The following COL9A3 variants were observed in gnomAD, a reference collection of about 807,000 sequenced individuals.
COL9A3 encodes the protein collagen type IX alpha 3 chain.
COL9A3 carries 82 observed loss-of-function variants against 110.2 expected under a neutral mutation model. That is an observed-to-expected ratio of 0.74 (90% CI 0.62 to 0.89). COL9A3 has a LOEUF of 0.89. COL9A3 is among the 40% of genes least tolerant of loss of function. The pLI is 0.00. For missense variants in COL9A3, 1,066 were observed against 981.3 expected, an observed-to-expected ratio of 1.09 and a Z score of -1.15; for synonymous variants, 494 against 403.8, an observed-to-expected ratio of 1.22 and a Z score of -2.68.
chr20:62,839,378 A>T (rs1002847017), intron 31 of COL9A3, among the ~76,000 whole-genome samples: 1 of 152,218 alleles, frequency 6.6e-6, no homozygotes, highest in Non-Finnish European at 1.5e-5. Context: ...CATACGTTGA[A>T]TATTTCCATT....
chr20:62,825,937 C>A, intron 13 of COL9A3, 67 bp downstream of exon 13: 1 of 1,493,236 alleles, frequency 6.7e-7, no homozygotes, highest in Non-Finnish European at 9.1e-7. Context: ...AAGCCCTGCA[C>A]ATATCTACCC....
At chr20:62,840,430 C>G (rs2063667971) in intron 31 of COL9A3, 112 bp from the exon 32 acceptor site, 3 of 1,043,308 alleles carry the variant, frequency 2.9e-6, no homozygotes, top group Non-Finnish European at 4.5e-6. Flanking sequence ...TGGCCTCTCC[C>G]CAAGTGAAGA....
chr20:62,832,716 G>A, intron 25 of COL9A3: 1 of 260,818 alleles, frequency 3.8e-6, no homozygotes, highest in Non-Finnish European at 6.3e-6. Context: ...TCACTTCTAG[G>A]CACAAGGCCT....
Position 62,824,982 on chromosome 20 carries a change from C to T in COL9A3, c.591C>T (p.Tyr197=). 1 of 1,609,960 alleles carries T rather than the reference C, an allele frequency of 6.2e-7. No individual in the cohort carries two copies. Among genetic ancestry groups the T allele is most frequent in the Middle Eastern group, 1.7e-4 (1 of 5,926 alleles). Residue 197 remains tyrosine, a synonymous_variant, in exon 12 of 32, where the codon TAC becomes TAT. Coordinates refer to ENST00000649368, the MANE Select transcript of COL9A3 (RefSeq NM_001853.4). ...TTTGCTTGCAGGGACCCACTGGCTA[C>T]AAAGGCGAGCAGGGGGAAGTCGGCA... is the stretch of plus-strand genomic sequence containing the variant. ...GMPGFKGPTG[Y]KGEQGEVGKD...
At position 62,826,020 on chromosome 20, in the gene COL9A3, C is replaced by A. The variant is rs1259236377; in HGVS notation, c.684+150C>A. On this transcript the variant is annotated intron_variant, in intron 13 of 31. Coordinates refer to ENST00000649368, the MANE Select transcript of COL9A3 (RefSeq NM_001853.4). ...ACAGGAGCGCGACCTGGCTGGGGGT[C>A]CCACCTCTGCCAAGGCTGCTGACCT... is the stretch of plus-strand genomic sequence containing the variant. The A allele has an allele frequency of 6.3e-6, 7 of 1,102,752 alleles. No homozygotes were observed. The East Asian group carries it at 1.8e-4, about 29-fold the overall frequency. The allele number at this position is 1,102,752 out of a possible 1,614,324, so 68.3% of individuals were successfully genotyped here.
At chr20:62,822,051 C>T (rs529197569) in intron 8 of COL9A3, 60 bp from the exon 9 acceptor site, 32 of 1,031,764 alleles carry the variant, frequency 3.1e-5, no homozygotes, top group Middle Eastern at 2.1e-4. Context: ...TGGGAGAAGC[C>T]GGGCACCTCA....
chr20:62,825,991 A>T, intron 13 of COL9A3, 121 bp downstream of exon 13: 1 of 1,223,466 alleles, frequency 8.2e-7, no homozygotes, highest in Non-Finnish European at 1.2e-6. Context: ...GCCAACACCC[A>T]GGCACAGGAG....
chr20:62,822,137 T>C lies in COL9A3; in HGVS notation c.450T>C (p.Pro150=), dbSNP rs1312251347. Residue 150 remains proline (P), a synonymous_variant, in exon 9 of 32, where the codon CCT becomes CCC. Coordinates refer to ENST00000649368, the MANE Select transcript of COL9A3 (RefSeq NM_001853.4). Reference sequence around the variant, plus strand: ...GACCTTCTGGACTCCCCGGCCTCCCTGGTCCCCCAGGACCTCCCGGACCCC... The same window carrying C: ...GACCTTCTGGACTCCCCGGCCTCCCCGGTCCCCCAGGACCTCCCGGACCCC... ...PPGPSGLPGL[P]GPPGPPGPPG... 1.3e-6 allele frequency: 2 copies of C among 1,590,344 alleles called. No individual in the cohort carries two copies. Among genetic ancestry groups the C allele is most frequent in the South Asian group, 1.1e-5 (1 of 90,650 alleles).
chr20:62,836,566 C>A, intron 29 of COL9A3, 34 bp downstream of exon 29: 1 of 1,421,080 alleles, frequency 7.0e-7, no homozygotes, highest in South Asian at 1.2e-5. Context: ...TGCAGCGGGG[C>A]CCATCCCCGC....
At chr20:62,818,112 T>C (rs1990995911) in intron 2 of COL9A3, among the ~76,000 whole-genome samples, 1 of 152,138 alleles carries the variant, frequency 6.6e-6, no homozygotes, top group South Asian at 2.1e-4. Context: ...GCTGAAATTC[T>C]ACAATTGTGC....
At chr20:62,834,211 TGTCGGCCA>T (rs1428828499) in intron 26 of COL9A3, among the ~76,000 whole-genome samples, 1 of 152,188 alleles carries the variant, frequency 6.6e-6, no homozygotes, top group African/African-American at 2.4e-5. Context: ...GGTTTCACCA[TGTCGGCCA>T]GGCTGGTCTC....
intron 3 of COL9A3, 33 bp downstream of exon 3, chr20:62,818,586 T>C (rs374073790): frequency 4.4e-6 from 7 of 1,604,668 alleles, no homozygotes; most frequent in Non-Finnish European, 6.0e-6. Flanking sequence ...ACAGCCTTTT[T>C]CCAGTCTGGA....
rs372955792 is a variant in COL9A3 at position 62,833,084 on chromosome 20, C to G, written c.1368+20C>G. ...GAACTGGTGAGTAATTAGGTAACCT[C>G]ACTGTTACCAACAGCTGGGAGCGAG... On this transcript the variant is annotated intron_variant, in intron 26 of 31. Transcript: ENST00000649368. 51 of 1,603,384 alleles carry G rather than the reference C, an allele frequency of 3.2e-5. No homozygotes were observed. The highest frequency in any genetic ancestry group is 3.8e-5 in the Non-Finnish European group (44 of 1,170,594).
At chr20:62,832,293 A>G (rs1057120584) in intron 25 of COL9A3, 104 bp downstream of exon 25, 230 of 1,153,778 alleles carry the variant, frequency 2.0e-4, no homozygotes, top group African/African-American at 4.6e-5. Flanking sequence ...TTTTCGGGAC[A>G]CTGAGCCTCC....
intron 5 of COL9A3, 46 bp downstream of exon 5, chr20:62,820,028 T>G (rs1600788792): frequency 1.3e-6 from 2 of 1,596,168 alleles, no homozygotes; most frequent in Non-Finnish European, 1.7e-6. Context: ...AGAGGTGAGG[T>G]CCCCTGGCCA....
chr20:62,837,271 T>G lies in COL9A3; in HGVS notation c.1786+6T>G, dbSNP rs1298313039. On this transcript the variant is annotated splice_donor_region_variant and intron_variant, in intron 30 of 31. Transcript: ENST00000649368. ...GGGAGACCCCGGGCCCAGAGGTGAG[T>G]GTTTGACCCCATGACACGGTCACCC... 6.2e-7 allele frequency: 1 copy of G among 1,608,344 alleles called. No homozygotes were observed. The highest frequency in any genetic ancestry group is 1.3e-5 in the African/African-American group (1 of 74,826).
At chr20:62,830,634 C>A in intron 24 of COL9A3, 46 bp downstream of exon 24, 4 of 1,454,746 alleles carry the variant, frequency 2.7e-6, no homozygotes, top group African/African-American at 1.5e-5. Context: ...CCCCTCTACC[C>A]ATGTACCACA....
chr20:62,819,997 C>T lies in COL9A3; in HGVS notation c.309+15C>T, dbSNP rs763315835. The T allele has an allele frequency of 1.9e-5, 31 of 1,612,258 alleles. No individual in the cohort carries two copies. The highest frequency in any genetic ancestry group is 3.3e-5 in the Admixed American group (2 of 59,958). On this transcript the variant is annotated intron_variant, in intron 5 of 31. Transcript: ENST00000649368. ...CTGGGGAACGGGTAAGTGCCTGCGCCGAACCCAGTGGCTTGGGTTCAGAGG... is the reference window on the plus strand; with the variant it reads ...CTGGGGAACGGGTAAGTGCCTGCGCTGAACCCAGTGGCTTGGGTTCAGAGG...
intron 15 of COL9A3, 68 bp from the exon 16 acceptor site, chr20:62,827,173 C>A (rs1477659249): frequency 6.4e-7 from 1 of 1,557,802 alleles, no homozygotes; most frequent in Non-Finnish European, 8.8e-7. Flanking sequence ...CCTGGAGGGG[C>A]CCCCGTCCTA....
Sources: gnomAD v4.1 joint callset for allele counts (sites outside exome capture counted in the v4.1 genomes callset) on GRCh38, gnomAD v4.1.1 for gene constraint, MANE v1.5 for transcripts, NCBI Gene and HGNC (gene_info 2026-07-23, HGNC 2026-07-21) for gene names.